MTMR8: variants seen among roughly 807,000 people sequenced by gnomAD.
MTMR8 encodes phosphatidylinositol-3,5-bisphosphate 3-phosphatase MTMR8.
MTMR8 carries 65 observed loss-of-function variants against 39.3 expected under a neutral mutation model. The observed-to-expected ratio is 1.65, with a 90% confidence interval of 1.35 to 2.03. The LOEUF is 2.03. MTMR8 is among the 30% of genes most tolerant of loss of function. MTMR8 has a pLI of 0.00. For missense variants in MTMR8, 777 were observed against 538.9 expected (o/e 1.44, Z -4.37); for synonymous variants, 245 against 185.2 (o/e 1.32, Z -2.62).
intron 12 of MTMR8, among the ~76,000 whole-genome samples, chrX:64,315,882 G>A (rs1402309821): frequency 1.8e-5 from 2 of 110,311 alleles, no homozygotes; most frequent in African/African-American, 6.6e-5. Flanking sequence ...GTATCTCCTT[G>A]TATAGGTCTT....
chrX:64,320,706 A>G (rs942263935), intron 12 of MTMR8, among the ~76,000 whole-genome samples: 2 of 110,941 alleles, frequency 1.8e-5, no homozygotes, highest in Non-Finnish European at 3.8e-5. Flanking sequence ...TCCTGCAAAT[A>G]TCAGGGAATG....
intron 1 of MTMR8, among the ~76,000 whole-genome samples, chrX:64,373,621 C>T (rs1924183418): frequency 1.8e-5 from 2 of 111,238 alleles, no homozygotes; most frequent in Non-Finnish European, 3.8e-5. Context: ...CACCATTATA[C>T]TATACTGCCA....
intron 4 of MTMR8, among the ~76,000 whole-genome samples, chrX:64,350,951 G>T (rs1337879964): frequency 9.0e-6 from 1 of 110,573 alleles, no homozygotes; most frequent in Non-Finnish European, 1.9e-5. Context: ...AACTGAACAG[G>T]CAAAAATAAA....
chrX:64,291,218 A>G (rs751922642), intron 12 of MTMR8, among the ~76,000 whole-genome samples: 2 of 111,266 alleles, frequency 1.8e-5, no homozygotes, highest in Non-Finnish European at 3.8e-5. Context: ...AATTGTTTTA[A>G]ATAGCCAAAC....
chrX:64,377,112 G>A (rs1240957080), intron 1 of MTMR8, among the ~76,000 whole-genome samples: 1 of 112,668 alleles, frequency 8.9e-6, no homozygotes, highest in Non-Finnish European at 1.9e-5. Context: ...AGAGGATGTA[G>A]GGAGATGCCT....
chrX:64,356,377 T>C (rs1274425053), intron 2 of MTMR8, 39 bp from the exon 3 acceptor site: 1 of 1,131,308 alleles, frequency 8.8e-7, no homozygotes, highest in South Asian at 2.0e-5. Context: ...CATACAGATG[T>C]GCAATATCTC....
In MTMR8 at chrX:64,312,848, A is replaced by T. The variant is rs143176424; in HGVS notation, c.1481+15924T>A. Among the ~76,000 whole-genome samples, 65 of 112,596 alleles carry T rather than the reference A, an allele frequency of 5.8e-4. 1 individual carries two copies. In the East Asian group the frequency reaches 0.018, roughly 31 times the overall value. On this transcript the variant is annotated intron_variant, in intron 12 of 13. Coordinates refer to ENST00000374852, the MANE Select transcript of MTMR8 (RefSeq NM_017677.4). ...TAAGAGCTCCTAGATTACTTGGTGT[A>T]CTGTTATTGAGCAGTAATACTCTGA...
intron 12 of MTMR8, among the ~76,000 whole-genome samples, chrX:64,275,066 A>G (rs887476144): frequency 8.9e-6 from 1 of 111,807 alleles, no homozygotes; most frequent in Non-Finnish European, 1.9e-5. Flanking sequence ...GTGTCTCACC[A>G]CAAAAATGAT....
At chrX:64,363,651 G>C (rs1034570158) in intron 1 of MTMR8, among the ~76,000 whole-genome samples, 2 of 112,004 alleles carry the variant, frequency 1.8e-5, no homozygotes, top group African/African-American at 6.5e-5. Flanking sequence ...AACAGCTACA[G>C]TCTGCAGCTC....
chrX:64,373,314 G>T (rs1368427461), intron 1 of MTMR8, among the ~76,000 whole-genome samples: 1 of 111,471 alleles, frequency 9.0e-6, no homozygotes, highest in Non-Finnish European at 1.9e-5. Flanking sequence ...CCAGTGGGAG[G>T]TGATTAGATC....
chrX:64,381,560 TTCTC>T (rs1201472616), intron 1 of MTMR8, among the ~76,000 whole-genome samples: 1 of 110,049 alleles, frequency 9.1e-6, no homozygotes, highest in Non-Finnish European at 1.9e-5. Flanking sequence ...AGGTTGCCTG[TTCTC>T]TCTGATGGTA....
intron 1 of MTMR8, among the ~76,000 whole-genome samples, chrX:64,393,667 G>A (rs745514824): frequency 4.5e-5 from 5 of 111,610 alleles, no homozygotes; most frequent in Admixed American, 1.9e-4. Context: ...CAGAGGACCC[G>A]TACAAATGAC....
intron 1 of MTMR8, among the ~76,000 whole-genome samples, chrX:64,389,303 CCTAA>C (rs1924637861): frequency 9.0e-6 from 1 of 111,468 alleles, no homozygotes; most frequent in Non-Finnish European, 1.9e-5. Flanking sequence ...ATTCAGGTCT[CCTAA>C]CTCTCTGTCT....
intron 8 of MTMR8, among the ~76,000 whole-genome samples, chrX:64,338,331 G>A (rs1487719639): frequency 6.2e-5 from 7 of 112,092 alleles, no homozygotes; most frequent in South Asian, 3.7e-4. Flanking sequence ...AATAAAAGGG[G>A]AAAATCCATG....
At chrX:64,382,172 G>A (rs972868000) in intron 1 of MTMR8, among the ~76,000 whole-genome samples, 1 of 111,534 alleles carries the variant, frequency 9.0e-6, no homozygotes, top group Non-Finnish European at 1.9e-5. Flanking sequence ...GGATGGCATT[G>A]AATCTATAAA....
chrX:64,371,865 G>A (rs929703872), intron 1 of MTMR8, among the ~76,000 whole-genome samples: 2 of 110,088 alleles, frequency 1.8e-5, no homozygotes, highest in Non-Finnish European at 3.8e-5. Context: ...TCCTAGGTAG[G>A]TGCCTTTCAC....
intron 12 of MTMR8, among the ~76,000 whole-genome samples, chrX:64,301,549 G>C (rs1304451099): frequency 2.7e-5 from 3 of 111,135 alleles, no homozygotes; most frequent in African/African-American, 9.8e-5. Flanking sequence ...AGAGTAATTT[G>C]ATCATCTGAA....
intron 5 of MTMR8, 103 bp downstream of exon 5, chrX:64,349,839 T>C: frequency 1.4e-6 from 1 of 692,652 alleles, no homozygotes; most frequent in Non-Finnish European, 2.0e-6. Context: ...AGAAGTTAAG[T>C]AACTTGCCTG....
chrX:64,393,983 G>A (rs1182588319), intron 1 of MTMR8, among the ~76,000 whole-genome samples: 1 of 112,103 alleles, frequency 8.9e-6, no homozygotes, highest in African/African-American at 3.2e-5. Flanking sequence ...TTTTCACGCT[G>A]CTGATGACAT....
Sources: allele counts gnomAD v4.1 joint callset (sites outside exome capture counted in the v4.1 genomes callset), GRCh38; gene constraint gnomAD v4.1.1; transcripts MANE v1.5; gene names NCBI Gene and HGNC (gene_info 2026-07-23, HGNC 2026-07-21).